Variants in RP1 observed in about 807,000 individuals in gnomAD.
RP1 encodes the protein RP1 axonemal microtubule associated.
RP1 carries 16 observed loss-of-function variants against 14.8 expected under a neutral mutation model. The ratio of observed to expected loss-of-function variants is 1.08; its 90% CI spans 0.73 to 1.65. The LOEUF (loss-of-function observed/expected upper bound fraction) is 1.65, where lower values mean the gene tolerates loss of function less well. Ranked by LOEUF, RP1 falls within the 40% of genes most tolerant of loss-of-function variation. The probability of loss-of-function intolerance (pLI) is 0.00; values close to 1 mark genes in which losing one functional copy is unlikely to be tolerated. For missense variants in RP1, 2,631 were observed against 2,535.0 expected, an observed-to-expected ratio of 1.04 and a Z score of -0.81; for synonymous variants, 876 against 883.6, an observed-to-expected ratio of 0.99 and a Z score of 0.15.
At chr8:54,775,217 G>T (rs552806694) in intron 23 of RP1, among the ~76,000 whole-genome samples, 6 of 152,276 alleles carry the variant, frequency 3.9e-5, no homozygotes, top group Admixed American at 3.3e-4. Flanking sequence ...TGGGAAGGAG[G>T]ATGTGGGAGA....
intron 24 of RP1, among the ~76,000 whole-genome samples, chr8:54,833,614 T>G (rs1399075427): frequency 1.3e-5 from 2 of 152,062 alleles, no homozygotes; most frequent in Non-Finnish European, 2.9e-5. Context: ...GCTTTAACCT[T>G]AATCACGCAA....
chr8:54,853,774 G>GAAA (rs1563396926), intron 26 of RP1, among the ~76,000 whole-genome samples: 1 of 109,862 alleles, frequency 9.1e-6, no homozygotes, highest in African/African-American at 4.0e-5. Context: ...GAAAGAGAAA[G>GAAA]GAAGGAAGAG....
chr8:54,601,990 T>C (rs1478371225), intron 1 of RP1, among the ~76,000 whole-genome samples: 1 of 152,198 alleles, frequency 6.6e-6, no homozygotes, highest in East Asian at 1.9e-4. Context: ...ACTTAGATCA[T>C]TGTAATCTTG....
chr8:54,694,235 G>A (rs947706319), intron 12 of RP1, among the ~76,000 whole-genome samples: 1 of 152,134 alleles, frequency 6.6e-6, no homozygotes, highest in Non-Finnish European at 1.5e-5. Context: ...ATTTTATTGA[G>A]GATTTTTGCA....
chr8:54,695,520 A>G (rs1367471928), intron 12 of RP1, among the ~76,000 whole-genome samples: 2 of 152,140 alleles, frequency 1.3e-5, no homozygotes, highest in African/African-American at 4.8e-5. Context: ...TTATGAATTT[A>G]AATTCTGGTA....
chr8:54,648,152 C>T (rs529283504), intron 3 of RP1, among the ~76,000 whole-genome samples: 1 of 152,248 alleles, frequency 6.6e-6, no homozygotes, highest in East Asian at 1.9e-4. Flanking sequence ...TTTCCTGAGG[C>T]CTTCTCAGCC....
chr8:54,733,845 TGAA>T (rs1201535433), intron 17 of RP1, among the ~76,000 whole-genome samples: 1 of 152,122 alleles, frequency 6.6e-6, no homozygotes, highest in Admixed American at 6.6e-5. Flanking sequence ...AAAGGGAGTG[TGAA>T]GAAGACAGCC....
At chr8:54,736,860 G>A (rs1808941142) in intron 18 of RP1, among the ~76,000 whole-genome samples, 1 of 152,264 alleles carries the variant, frequency 6.6e-6, no homozygotes, top group South Asian at 2.1e-4. Context: ...GTGCACTAAA[G>A]TTTGAGAAGC....
chr8:54,603,660 T>C (rs1355380778), intron 1 of RP1, among the ~76,000 whole-genome samples: 8 of 152,082 alleles, frequency 5.3e-5, no homozygotes, highest in East Asian at 3.9e-4. Context: ...TTGATTCTTC[T>C]TACCCATGAG....
In RP1 at chr8:54,627,256, C is replaced by A. The variant is rs532166235; in HGVS notation, c.3374C>A (p.Ser1125Tyr). The change falls in exon 4 of 4, where the codon TCC becomes TAC. Residue 1125 changes from serine (S) to tyrosine (Y), a missense_variant. Ser to Tyr is a moderately radical substitution (Grantham distance 144). Transcript: ENST00000220676. ...TTTCATTCTGCAATATGTAATTCAT[C>A]CACTAATCTCCTTCTAGCTTGGCTC... ...VPFHSAICNS[S>Y]TNLLLAWLLV... is the part of the protein sequence containing the mutation. 35 of 1,613,942 alleles carry A rather than the reference C, an allele frequency of 2.2e-5. No individual in the cohort carries two copies. Among genetic ancestry groups the A allele is most frequent in the Non-Finnish European group, 2.8e-5 (33 of 1,179,984 alleles).
intron 23 of RP1, among the ~76,000 whole-genome samples, chr8:54,778,247 G>A (rs937997212): frequency 1.3e-5 from 2 of 151,920 alleles, no homozygotes; most frequent in African/African-American, 4.8e-5. Context: ...AGTGTGCCAG[G>A]GTCCAGTATA....
chr8:54,594,960 T>A (rs1042192111), intron 1 of RP1, among the ~76,000 whole-genome samples: 2 of 152,152 alleles, frequency 1.3e-5, no homozygotes, highest in African/African-American at 2.4e-5. Flanking sequence ...ATCTACTTTT[T>A]AAGGTAAAAA....
chr8:54,666,721 AG>A (rs1807026323), intron 7 of RP1, among the ~76,000 whole-genome samples: 1 of 151,898 alleles, frequency 6.6e-6, no homozygotes, highest in African/African-American at 2.4e-5. Context: ...GACCTCTTCC[AG>A]GGAGAAACTG....
chr8:54,591,787 G>A (rs1805047198), intron 1 of RP1, among the ~76,000 whole-genome samples: 1 of 152,148 alleles, frequency 6.6e-6, no homozygotes, highest in Non-Finnish European at 1.5e-5. Flanking sequence ...CTCTTCTTCT[G>A]GGGGTTGGTT....
chr8:54,581,189 T>A (rs1474636170), intron 1 of RP1, among the ~76,000 whole-genome samples: 1 of 150,980 alleles, frequency 6.6e-6, no homozygotes, highest in Non-Finnish European at 1.5e-5. Flanking sequence ...CGGTGTGTGA[T>A]GTTCCCCTTC....
chr8:54,626,503 G>C lies in RP1; in HGVS notation c.2621G>C (p.Gly874Ala). The stretch of plus-strand genomic sequence containing the variant: ...TTAAAAAGCCAGAAAAAACGTAAAG[G>C]GGATAAAGTGAAAGCAAGTGCTATT... ...ITLKSQKKRKGDKVKASAILS... is the reference protein window; with the variant it reads ...ITLKSQKKRKADKVKASAILS... The change falls in exon 4 of 4, where the codon GGG becomes GCG. Residue 874 changes from glycine to alanine, a missense_variant. Physicochemically the swap from Gly to Ala is moderately conservative, Grantham distance 60 (BLOSUM62 0). Coordinates refer to ENST00000220676, the MANE Select transcript of RP1 (RefSeq NM_006269.2). 6.2e-7 allele frequency: 1 copy of C among 1,613,706 alleles called. No individual in the cohort carries two copies. The highest frequency in any genetic ancestry group is 8.5e-7 in the Non-Finnish European group (1 of 1,179,884).
At chr8:54,763,752 C>T (rs1809698209) in intron 22 of RP1, among the ~76,000 whole-genome samples, 1 of 152,158 alleles carries the variant, frequency 6.6e-6, no homozygotes, top group South Asian at 2.1e-4. Context: ...CAGCTTTGTC[C>T]TCTCAAAACC....
At chr8:54,805,676 A>G (rs1810830519) in intron 24 of RP1, among the ~76,000 whole-genome samples, 1 of 151,590 alleles carries the variant, frequency 6.6e-6, no homozygotes, top group South Asian at 2.1e-4. Context: ...CGATGACACC[A>G]GGTGCATGCC....
At chr8:54,670,310 C>T (rs1002620427) in intron 7 of RP1, among the ~76,000 whole-genome samples, 1 of 151,306 alleles carries the variant, frequency 6.6e-6, no homozygotes, top group Non-Finnish European at 1.5e-5. Flanking sequence ...CTTTATTGAT[C>T]TTTTGTTTCA....
Sources: gnomAD v4.1 joint callset for allele counts (sites outside exome capture counted in the v4.1 genomes callset) on GRCh38, gnomAD v4.1.1 for gene constraint, MANE v1.5 for transcripts, NCBI Gene and HGNC (gene_info 2026-07-23, HGNC 2026-07-21) for gene names.